Variants in RIT2 observed in about 807,000 individuals in gnomAD.
The protein encoded by RIT2 is GTP-binding protein Rit2.
RIT2 carries 24 observed loss-of-function variants against 23.7 expected under a neutral mutation model. The observed-to-expected ratio is 1.01, with a 90% CI of 0.73 to 1.43. RIT2 has a LOEUF of 1.43. Among genes scored for constraint, RIT2 ranks in the 40% most tolerant of loss-of-function variants. The pLI, the probability that RIT2 is intolerant of heterozygous loss-of-function variation, is 0.00. For synonymous variants in RIT2, 107 were observed against 91.1 expected (o/e 1.17, Z -0.99); for missense variants, 236 against 266.9 (o/e 0.88, Z 0.81).
intron 4 of RIT2, among the ~76,000 whole-genome samples, chr18:42,871,209 G>T (rs1907614314): frequency 6.6e-6 from 1 of 152,140 alleles, no homozygotes; most frequent in Admixed American, 6.5e-5. Context: ...GCATTCATCA[G>T]CAACACACAT....
chr18:42,788,868 C>G (rs1207916332), intron 4 of RIT2, among the ~76,000 whole-genome samples: 2 of 152,128 alleles, frequency 1.3e-5, no homozygotes, highest in Admixed American at 1.3e-4. Context: ...CTCAATTGCC[C>G]AAGTGCTTTT....
intron 4 of RIT2, among the ~76,000 whole-genome samples, chr18:42,764,986 G>A (rs1487186168): frequency 1.3e-5 from 2 of 152,186 alleles, no homozygotes; most frequent in East Asian, 1.9e-4. Context: ...AAGCCTTCAT[G>A]TTTAGGCACT....
intron 1 of RIT2, among the ~76,000 whole-genome samples, chr18:43,062,902 G>A (rs895275872): frequency 6.6e-6 from 1 of 152,038 alleles, no homozygotes; most frequent in East Asian, 1.9e-4. Flanking sequence ...AAACTTAGAG[G>A]GTGTGTGGCT....
At chr18:43,042,611 C>T (rs752253736) in intron 1 of RIT2, among the ~76,000 whole-genome samples, 10 of 152,234 alleles carry the variant, frequency 6.6e-5, no homozygotes, top group Non-Finnish European at 1.5e-4. Context: ...CCCATTCCTC[C>T]TCCTTGGAAC....
At chr18:42,853,301 C>T (rs1381948523) in intron 4 of RIT2, among the ~76,000 whole-genome samples, 1 of 152,184 alleles carries the variant, frequency 6.6e-6, no homozygotes, top group East Asian at 1.9e-4. Flanking sequence ...TTACAATTGA[C>T]ACTGCACAAT....
At chr18:43,032,340 A>G (rs1911874748) in intron 2 of RIT2, among the ~76,000 whole-genome samples, 3 of 152,072 alleles carry the variant, frequency 2.0e-5, no homozygotes, top group Admixed American at 1.3e-4. Flanking sequence ...TTGATGAACA[A>G]GAGGCTGGTT....
chr18:42,943,578 C>A (rs953172489), intron 3 of RIT2, among the ~76,000 whole-genome samples: 2 of 152,070 alleles, frequency 1.3e-5, no homozygotes, highest in African/African-American at 4.8e-5. Context: ...TTTTATTAAT[C>A]TTTCCTAAAT....
At chr18:42,964,776 T>A (rs1178726697) in intron 3 of RIT2, among the ~76,000 whole-genome samples, 1 of 152,224 alleles carries the variant, frequency 6.6e-6, no homozygotes, top group Non-Finnish European at 1.5e-5. Context: ...ATTTGTCTCA[T>A]CATTTTTCCT....
At chr18:42,894,744 A>G (rs906558403) in intron 4 of RIT2, among the ~76,000 whole-genome samples, 1 of 152,202 alleles carries the variant, frequency 6.6e-6, no homozygotes, top group African/African-American at 2.4e-5. Flanking sequence ...GCTGTGGGGA[A>G]GAAATTATAC....
intron 4 of RIT2, among the ~76,000 whole-genome samples, chr18:42,903,410 T>C (rs555898601): frequency 4.6e-5 from 7 of 152,178 alleles, no homozygotes; most frequent in African/African-American, 7.2e-5. Flanking sequence ...AAAGAGCTGA[T>C]TTCATAGAGA....
chr18:42,964,054 G>A (rs561878416), intron 3 of RIT2, among the ~76,000 whole-genome samples: 10 of 152,012 alleles, frequency 6.6e-5, no homozygotes, highest in South Asian at 6.2e-4. Flanking sequence ...AGCTGGGCGC[G>A]GTGATGTGCA....
chr18:42,810,203 AG>A (rs1162497104), intron 4 of RIT2, among the ~76,000 whole-genome samples: 2 of 151,356 alleles, frequency 1.3e-5, no homozygotes, highest in African/African-American at 4.8e-5. Flanking sequence ...ACTTTTAATG[AG>A]GTGTTTTGGG....
At chr18:42,743,930 C>T (rs1912857777) in intron 4 of RIT2, among the ~76,000 whole-genome samples, 1 of 152,166 alleles carries the variant, frequency 6.6e-6, no homozygotes, top group Non-Finnish European at 1.5e-5. Flanking sequence ...TAACTGATTA[C>T]ATTCCACCAC....
At chr18:43,087,879 G>T (rs1021360211) in intron 1 of RIT2, among the ~76,000 whole-genome samples, 3 of 152,118 alleles carry the variant, frequency 2.0e-5, no homozygotes, top group Non-Finnish European at 2.9e-5. Flanking sequence ...ACAATGATGT[G>T]AGCGATACAT....
intron 1 of RIT2, among the ~76,000 whole-genome samples, chr18:43,108,016 A>AG (rs1374672612): frequency 6.6e-6 from 1 of 151,196 alleles, no homozygotes; most frequent in African/African-American, 2.4e-5. Context: ...ACAAAAAAAA[A>AG]AAAAAAAATT....
At chr18:43,025,690 A>G (rs191358410) in intron 2 of RIT2, among the ~76,000 whole-genome samples, 19 of 152,276 alleles carry the variant, frequency 1.2e-4, no homozygotes, top group Admixed American at 1.1e-3. Flanking sequence ...TCTGCAGCAC[A>G]TGGATGAAAC....
intron 4 of RIT2, among the ~76,000 whole-genome samples, chr18:42,879,834 A>T (rs1907840507): frequency 6.6e-6 from 1 of 152,174 alleles, no homozygotes; most frequent in South Asian, 2.1e-4. Context: ...TGTCAATTGC[A>T]GGCTTCGATT....
chr18:43,102,327 T>G (rs1913703825), intron 1 of RIT2, among the ~76,000 whole-genome samples: 1 of 152,178 alleles, frequency 6.6e-6, no homozygotes, highest in African/African-American at 2.4e-5. Context: ...TTAGTAAACA[T>G]TCTGAACTTA....
intron 4 of RIT2, among the ~76,000 whole-genome samples, chr18:42,917,685 C>G (rs1908948143): frequency 6.6e-6 from 1 of 152,144 alleles, no homozygotes; most frequent in Non-Finnish European, 1.5e-5. Flanking sequence ...AAAATCCAAA[C>G]TCTTACCAAA....
Sources: gnomAD v4.1 joint callset for allele counts (sites outside exome capture counted in the v4.1 genomes callset) on GRCh38, gnomAD v4.1.1 for gene constraint, MANE v1.5 for transcripts, NCBI Gene and HGNC (gene_info 2026-07-23, HGNC 2026-07-21) for gene names.